Variants in ATP7A observed in about 807,000 individuals in gnomAD.
ATP7A encodes the protein ATPase copper transporting alpha.
ATP7A carries 7 observed loss-of-function variants against 83.5 expected under a neutral mutation model. The observed-to-expected ratio is 0.08, with a 90% CI of 0.05 to 0.16. The LOEUF is 0.16. ATP7A is among the 10% of genes least tolerant of loss of function. The pLI, the probability that ATP7A is intolerant of heterozygous loss-of-function variation, is 1.00. For synonymous variants in ATP7A, 354 were observed against 395.2 expected, an observed-to-expected ratio of 0.90 and a Z score of 1.24; for missense variants, 940 against 1,120.8, an observed-to-expected ratio of 0.84 and a Z score of 2.30.
intron 1 of ATP7A, among the ~76,000 whole-genome samples, chrX:77,949,138 C>T (rs1557226536): frequency 9.0e-6 from 1 of 111,650 alleles, no homozygotes; most frequent in Non-Finnish European, 1.9e-5. Context: ...CAGTCTGCCA[C>T]CTTGGCCTCC....
rs2077720320 is a variant in ATP7A at position 77,998,702 on chromosome X, C to T, written c.1543+18C>T. 3 of 1,199,781 alleles carry T rather than the reference C, an allele frequency of 2.5e-6. No individual in the cohort carries two copies. Among genetic ancestry groups the T allele is most frequent in the African/African-American group, 1.7e-5 (1 of 57,438 alleles). Reference sequence around the variant, plus strand: ...GGAAGAAGGTGAGACACTCTTGAAGCTTGTTATTTTATGTGCTAGTTTGGG... The same window carrying T: ...GGAAGAAGGTGAGACACTCTTGAAGTTTGTTATTTTATGTGCTAGTTTGGG... On this transcript the variant is annotated intron_variant, in intron 5 of 22. Coordinates refer to ENST00000341514, the MANE Select transcript of ATP7A (RefSeq NM_000052.7).
At chrX:77,944,464 A>G (rs781988201) in intron 1 of ATP7A, among the ~76,000 whole-genome samples, 1 of 111,295 alleles carries the variant, frequency 9.0e-6, no homozygotes, top group African/African-American at 3.3e-5. Flanking sequence ...TTTTTTAGAG[A>G]CAGGGTCTCT....
At chrX:77,980,022 C>T (rs782583475) in intron 2 of ATP7A, among the ~76,000 whole-genome samples, 1 of 111,663 alleles carries the variant, frequency 9.0e-6, no homozygotes, top group South Asian at 3.7e-4. Context: ...GGTTGTTTGG[C>T]CTTTTTGAAA....
chrX:78,031,333 C>CT (rs5902762), intron 15 of ATP7A, 67 bp from the exon 16 acceptor site: 1 of 1,072,698 alleles, frequency 9.3e-7, no homozygotes, highest in Non-Finnish European at 1.3e-6. Context: ...CAAAACAGAC[C>CT]TTTTTCTTAT....
chrX:78,011,770 T>C (rs1557234571), intron 9 of ATP7A, 96 bp downstream of exon 9: 1 of 825,089 alleles, frequency 1.2e-6, no homozygotes, highest in South Asian at 2.0e-5. Flanking sequence ...TGATGTTAGC[T>C]AGAAGTCTGA....
intron 5 of ATP7A, among the ~76,000 whole-genome samples, chrX:77,999,135 T>C (rs1051269267): frequency 8.0e-4 from 87 of 109,307 alleles, no homozygotes; most frequent in African/African-American, 2.7e-3. Context: ...TAGATGGGAC[T>C]ACAGGCATGC....
chrX:78,002,964 A>AATACTTAAGAGAAATCCTTTC (rs1475846271), intron 5 of ATP7A, 109 bp from the exon 6 acceptor site: 1 of 840,444 alleles, frequency 1.2e-6, no homozygotes, highest in Non-Finnish European at 1.7e-6. Context: ...CAAATCCTTT[A>AATACTTAAGAGAAATCCTTTC]ATACTTAAGA....
rs2077798080 is a variant in ATP7A, at chrX:78,009,035, A to AT, written c.1708-67_1708-66insT. 2.4e-5 allele frequency: 25 copies of AT among 1,057,483 alleles called. No homozygotes were observed. In the South Asian group the frequency reaches 3.9e-4, roughly 16 times the overall value. 87.1% of individuals were successfully genotyped at this position (1,057,483 alleles called of 1,213,427 possible). A position where few individuals can be genotyped will look rare whatever the true frequency, so the allele number is the denominator to read the frequency against. On this transcript the variant is annotated intron_variant, in intron 6 of 22. Transcript: ENST00000341514. ...TCTGTCTCAAAAAAAAAAAAAAAAAAGTGGTAACTCATGTTTAATGGTGGA... is the reference window on the plus strand; with the variant it reads ...TCTGTCTCAAAAAAAAAAAAAAAAAATGTGGTAACTCATGTTTAATGGTGGA...
chrX:77,912,929 G>T (rs1300061517), intron 1 of ATP7A, among the ~76,000 whole-genome samples: 1 of 111,471 alleles, frequency 9.0e-6, no homozygotes, highest in Non-Finnish European at 1.9e-5. Flanking sequence ...CAAAGGATAG[G>T]TTAACATCTC....
intron 4 of ATP7A, among the ~76,000 whole-genome samples, chrX:77,996,862 A>T (rs999983351): frequency 9.0e-6 from 1 of 111,636 alleles, no homozygotes; most frequent in African/African-American, 3.3e-5. Context: ...TTGGATTAAA[A>T]TGGTGGTTTT....
chrX:78,002,320 G>T (rs973510294), intron 5 of ATP7A, among the ~76,000 whole-genome samples: 4 of 105,817 alleles, frequency 3.8e-5, no homozygotes, highest in Non-Finnish European at 7.7e-5. Flanking sequence ...GGACTCAAGC[G>T]ATCTGCCCTC....
intron 6 of ATP7A, among the ~76,000 whole-genome samples, chrX:78,005,683 C>CAA (rs1218646073): frequency 0.019 from 260 of 13,426 alleles, 6 homozygotes; most frequent in Non-Finnish European, 0.022. Context: ...AACTCCATCT[C>CAA]AAAAAAAAAA....
rs782811771 is a variant in ATP7A, at chrX:77,987,016, G to A, written c.121-1226G>A. Among the ~76,000 whole-genome samples the A allele has an allele frequency of 3.6e-5, 4 of 111,351 alleles. No homozygotes were observed. The East Asian group carries it at 8.4e-4, about 23-fold the overall frequency. On this transcript the variant is annotated intron_variant, in intron 2 of 22. Transcript: ENST00000341514. ...GCCTCTTATCTTTCTCTACTTTTTTGTTTCCATTCATCTGGAATTCTCTGC... is the reference window on the plus strand; with the variant it reads ...GCCTCTTATCTTTCTCTACTTTTTTATTTCCATTCATCTGGAATTCTCTGC...
At chrX:78,040,283 G>GT (rs2078039336) in intron 18 of ATP7A, among the ~76,000 whole-genome samples, 1 of 106,683 alleles carries the variant, frequency 9.4e-6, no homozygotes, top group Admixed American at 1.0e-4. Context: ...GTTTGAGGCT[G>GT]TTGGCAAATA....
chrX:77,965,424 A>G (rs1557228582), intron 1 of ATP7A: 1 of 324,874 alleles, frequency 3.1e-6, no homozygotes, highest in Non-Finnish European at 6.0e-6. Context: ...GATGCTTGAC[A>G]TCATCAGTAA....
At chrX:78,001,941 T>C (rs782769410) in intron 5 of ATP7A, among the ~76,000 whole-genome samples, 1 of 111,969 alleles carries the variant, frequency 8.9e-6, no homozygotes, top group Admixed American at 9.6e-5. Context: ...TTTAGATTAC[T>C]GTGTGCCAGA....
intron 1 of ATP7A, among the ~76,000 whole-genome samples, chrX:77,921,440 C>T: frequency 8.9e-6 from 1 of 112,261 alleles, no homozygotes; most frequent in Non-Finnish European, 1.9e-5. Flanking sequence ...GTTAAAAGCA[C>T]AGGCTCTGGA....
chrX:78,033,248 G>A (rs1348885242), intron 16 of ATP7A, among the ~76,000 whole-genome samples: 9 of 111,865 alleles, frequency 8.0e-5, no homozygotes, highest in Non-Finnish European at 1.7e-4. Context: ...GAGATTACAG[G>A]TGTGCACCAC....
At chrX:78,020,827 A>G (rs1374671869) in intron 13 of ATP7A, 118 bp from the exon 14 acceptor site, 15 of 851,513 alleles carry the variant, frequency 1.8e-5, no homozygotes, top group Non-Finnish European at 2.4e-5. Flanking sequence ...GGCCATTAAC[A>G]TGAAGTTTGT....
Sources: gnomAD v4.1 joint callset for allele counts (sites outside exome capture counted in the v4.1 genomes callset) on GRCh38, gnomAD v4.1.1 for gene constraint, MANE v1.5 for transcripts, NCBI Gene and HGNC (gene_info 2026-07-23, HGNC 2026-07-21) for gene names.